Variants in FOXK2 observed in about 807,000 individuals in gnomAD.
The protein encoded by FOXK2 is forkhead box K2.
A neutral mutation model predicts 53.3 loss-of-function variants in FOXK2; 24 were observed. The ratio of observed to expected loss-of-function variants is 0.45; its 90% confidence interval spans 0.33 to 0.63. The LOEUF is 0.63. FOXK2 is among the 30% of genes least tolerant of loss of function. FOXK2 has a pLI of 0.03. For synonymous variants in FOXK2, 505 were observed against 407.1 expected (o/e 1.24, Z -2.89); for missense variants, 952 against 910.5 (o/e 1.05, Z -0.59).
intron 1 of FOXK2, among the ~76,000 whole-genome samples, chr17:82,547,782 G>A (rs2044641223): frequency 6.6e-6 from 1 of 152,132 alleles, no homozygotes; most frequent in Non-Finnish European, 1.5e-5. Flanking sequence ...TTGGCAGTCA[G>A]CCTCATCCCC....
chr17:82,598,067 A>G (rs1290548825), intron 8 of FOXK2, among the ~76,000 whole-genome samples: 2 of 146,062 alleles, frequency 1.4e-5, no homozygotes, highest in African/African-American at 2.5e-5. Flanking sequence ...TGATCGGCAC[A>G]TCCGTCATCT....
intron 1 of FOXK2, among the ~76,000 whole-genome samples, chr17:82,541,849 CTAG>C (rs576283596): frequency 1.3e-3 from 192 of 150,966 alleles, no homozygotes; most frequent in African/African-American, 4.5e-3. Context: ...GTAGTAGGGA[CTAG>C]AGGCACAAAT....
intron 7 of FOXK2, among the ~76,000 whole-genome samples, 187 bp downstream of exon 7, chr17:82,586,387 AGGTG>A: frequency 4.0e-5 from 5 of 126,280 alleles, no homozygotes; most frequent in Non-Finnish European, 7.7e-5. Context: ...GACCACAGGG[AGGTG>A]AAAGGTGGGC....
rs545765277 is a variant in FOXK2, at chr17:82,529,861, T to TA, written c.419+9555dup. On this transcript the variant is annotated intron_variant, in intron 1 of 8. Coordinates refer to ENST00000335255, the MANE Select transcript of FOXK2 (RefSeq NM_004514.4). ...TAAGGCAGTAGTAGCCTAACATTGT[T>TA]ACGTTTGTAATGTGTTCTCTTAGTC... is the stretch of plus-strand genomic sequence containing the variant. Among the ~76,000 whole-genome samples the TA allele has an allele frequency of 3.4e-3, 519 of 152,364 alleles. 2 individuals carry two copies. The highest frequency in any genetic ancestry group is 0.027 in the Middle Eastern group (8 of 294).
chr17:82,543,595 G>A (rs1227093393), intron 1 of FOXK2, among the ~76,000 whole-genome samples: 3 of 152,054 alleles, frequency 2.0e-5, no homozygotes, highest in Non-Finnish European at 4.4e-5. Flanking sequence ...AGAAACCGGA[G>A]CAGTAGGAAG....
chr17:82,584,075 C>T lies in FOXK2; in HGVS notation c.1166C>T (p.Thr389Ile). 6.2e-7 allele frequency: 1 copy of T among 1,611,976 alleles called. No individual in the cohort carries two copies. Among genetic ancestry groups the T allele is most frequent in the Non-Finnish European group, 8.5e-7 (1 of 1,179,904 alleles). ...TCTGCTCACTCTAGTGGCGCCCAGA[C>T]CCCTGAGAGCCTGTCGAGGGAAGGT... Reference protein sequence around the residue: ...VLSAHSSGAQTPESLSREGSP... With the variant: ...VLSAHSSGAQIPESLSREGSP... Residue 389 changes from threonine to isoleucine, a missense_variant, in exon 6 of 9, where the codon ACC (threonine) becomes ATC (isoleucine). Coordinates refer to ENST00000335255, the MANE Select transcript of FOXK2 (RefSeq NM_004514.4).
At chr17:82,555,886 A>AC in intron 1 of FOXK2, among the ~76,000 whole-genome samples, 1 of 10,336 alleles carries the variant, frequency 9.7e-5, no homozygotes, top group Non-Finnish European at 2.7e-4. Flanking sequence ...ACTCTATCAC[A>AC]AAAAAAAAAA....
intron 1 of FOXK2, among the ~76,000 whole-genome samples, chr17:82,527,671 T>A (rs1244014242): frequency 1.3e-5 from 2 of 152,226 alleles, no homozygotes; most frequent in African/African-American, 4.8e-5. Flanking sequence ...TACATTGTTA[T>A]CACTGATTTG....
chr17:82,588,447 AGGGCTGGCGGTTG>A (rs2045218570), intron 8 of FOXK2: 1 of 103,004 alleles, frequency 9.7e-6, no homozygotes, highest in East Asian at 3.2e-4. Context: ...AGGCGGTTGG[AGGGCTGGCGGTTG>A]GAGGGCTGGC....
At chr17:82,524,586 A>G (rs2044398837) in intron 1 of FOXK2, among the ~76,000 whole-genome samples, 1 of 152,146 alleles carries the variant, frequency 6.6e-6, no homozygotes, top group Non-Finnish European at 1.5e-5. Context: ...CTCAGTGTGT[A>G]CAAAGATTGT....
intron 8 of FOXK2, among the ~76,000 whole-genome samples, chr17:82,592,806 C>T (rs1307772898): frequency 2.0e-5 from 3 of 152,274 alleles, no homozygotes; most frequent in African/African-American, 4.8e-5. Context: ...ATGCCCAGTT[C>T]GCGCTGGCAG....
At chr17:82,570,146 C>T (rs934427974) in intron 3 of FOXK2, among the ~76,000 whole-genome samples, 18 of 151,816 alleles carry the variant, frequency 1.2e-4, no homozygotes, top group East Asian at 3.9e-4. Flanking sequence ...GGCGTGAACC[C>T]GGGAGGTGGA....
chr17:82,521,796 C>T (rs1361640438), intron 1 of FOXK2, among the ~76,000 whole-genome samples: 2 of 146,440 alleles, frequency 1.4e-5, no homozygotes, highest in African/African-American at 5.0e-5. Context: ...AAAAATTAGC[C>T]GGGCGCGGTG....
At position 82,582,705 on chromosome 17, in the gene FOXK2, AT is replaced by A. The variant is rs1486767196; in HGVS notation, c.910-35del. 7 of 1,499,350 alleles carry A rather than the reference AT, an allele frequency of 4.7e-6. No homozygotes were observed. The East Asian group carries it at 1.7e-4, about 36-fold the overall frequency. 92.9% of individuals were successfully genotyped at this position (1,499,350 alleles called of 1,614,324 possible). ...CACATTTTTATTTCTCAGCAAATAA[AT>A]ATATGAATTCTACGTATTTTTTTAT... On this transcript the variant is annotated intron_variant, in intron 4 of 8. Transcript: ENST00000335255.
At chr17:82,541,682 T>A (rs1280903616) in intron 1 of FOXK2, among the ~76,000 whole-genome samples, 2 of 151,986 alleles carry the variant, frequency 1.3e-5, no homozygotes, top group Admixed American at 1.3e-4. Flanking sequence ...CACTGTGAAC[T>A]GCATTGTACC....
At chr17:82,586,899 C>T (rs1471295678) in intron 7 of FOXK2, among the ~76,000 whole-genome samples, 164 bp from the exon 8 acceptor site, 1 of 151,234 alleles carries the variant, frequency 6.6e-6, no homozygotes, top group African/African-American at 2.4e-5. Context: ...AACTCCATCT[C>T]AAAAAACAAA....
chr17:82,572,195 T>C, intron 4 of FOXK2: 1 of 215,080 alleles, frequency 4.6e-6, no homozygotes, highest in African/African-American at 2.3e-5. Flanking sequence ...ATATTTGAAA[T>C]GTAGGAGAAA....
At position 82,592,277 on chromosome 17, in the gene FOXK2, C is replaced by G. The variant is rs182535965; in HGVS notation, c.1786+5005C>G. Among the ~76,000 whole-genome samples the G allele has an allele frequency of 2.8e-3, 432 of 152,354 alleles. 2 individuals are homozygous for G. Among genetic ancestry groups the G allele is most frequent in the Non-Finnish European group, 5.1e-3 (347 of 68,036 alleles). On this transcript the variant is annotated intron_variant, in intron 8 of 8. Transcript: ENST00000335255. ...CAGGGCCTCGCCTGCTCAGTGTGCT[C>G]CTGGGCTGAGCTGCGGTCCTGGAGC...
chr17:82,550,419 A>G (rs1355065644), intron 1 of FOXK2, among the ~76,000 whole-genome samples: 2 of 151,882 alleles, frequency 1.3e-5, no homozygotes, highest in East Asian at 3.9e-4. Context: ...ACTACAGAAC[A>G]CCAATTTAAA....
Sources: gnomAD v4.1 joint callset for allele counts (sites outside exome capture counted in the v4.1 genomes callset) on GRCh38, gnomAD v4.1.1 for gene constraint, MANE v1.5 for transcripts, NCBI Gene and HGNC (gene_info 2026-07-23, HGNC 2026-07-21) for gene names.